Variants in GALNTL6 observed in about 807,000 individuals in gnomAD.
GALNTL6 encodes the protein polypeptide N-acetylgalactosaminyltransferase-like 6.
A neutral mutation model predicts 73.7 loss-of-function variants in GALNTL6; 46 were observed. The observed-to-expected ratio is 0.62, with a 90% confidence interval of 0.49 to 0.80. The LOEUF (loss-of-function observed/expected upper bound fraction) is 0.80, where lower values mean the gene tolerates loss of function less well. Ranked by LOEUF, GALNTL6 falls within the 30% of genes least tolerant of loss-of-function variation. GALNTL6 has a pLI of 0.00. For missense variants in GALNTL6, 604 were observed against 755.0 expected, an observed-to-expected ratio of 0.80 and a Z score of 2.34; for synonymous variants, 259 against 263.7, an observed-to-expected ratio of 0.98 and a Z score of 0.17.
In GALNTL6 at chr4:172,772,274, A is replaced by G. The variant is rs1263031027; in HGVS notation, c.554-37087A>G. On this transcript the variant is annotated intron_variant, in intron 5 of 12. Transcript: ENST00000506823. ...ATATCACCATTTATGCAGAAACTTA[A>G]TTATTTGTAATGTATTAACAGATAT... Among the ~76,000 whole-genome samples the G allele has an allele frequency of 2.0e-5, 3 of 152,150 alleles. No homozygotes were observed. In the East Asian group the frequency reaches 5.8e-4, roughly 29 times the overall value.
intron 5 of GALNTL6, among the ~76,000 whole-genome samples, chr4:172,756,624 C>T (rs1737767114): frequency 1.3e-5 from 2 of 150,660 alleles, no homozygotes; most frequent in African/African-American, 2.4e-5. Flanking sequence ...TACAGCCCGG[C>T]AACAGCGTGT....
Position 172,447,649 on chromosome 4 carries a change from G to C in GALNTL6, c.553+98960G>C, listed in dbSNP as rs539713377. Among the ~76,000 whole-genome samples, 4 of 152,266 alleles carry C rather than the reference G, an allele frequency of 2.6e-5. No individual in the cohort carries two copies. In the South Asian group the frequency reaches 8.3e-4, roughly 32 times the overall value. ...CTAATGCATTTACGGCCAGTGTCAA[G>C]AGTTCAGTGAAAATGGCCCTATACA... On this transcript the variant is annotated intron_variant, in intron 5 of 12. Transcript: ENST00000506823.
chr4:172,259,095 C>T (rs2111031654), intron 3 of GALNTL6, among the ~76,000 whole-genome samples: 1 of 151,056 alleles, frequency 6.6e-6, no homozygotes, highest in East Asian at 1.9e-4. Context: ...TTACATATAA[C>T]AACTTCTTTT....
chr4:172,799,332 G>A (rs1032884939), intron 5 of GALNTL6, among the ~76,000 whole-genome samples: 5 of 152,148 alleles, frequency 3.3e-5, no homozygotes, highest in Admixed American at 6.5e-5. Flanking sequence ...GCAGTGGGGG[G>A]AAAAATTACA....
intron 5 of GALNTL6, among the ~76,000 whole-genome samples, chr4:172,655,391 A>G (rs1730938923): frequency 6.6e-6 from 1 of 152,216 alleles, no homozygotes. Flanking sequence ...TCGTTAGAAT[A>G]TAAGAGTGAG....
chr4:172,130,177 C>G (rs1733448578), intron 2 of GALNTL6, among the ~76,000 whole-genome samples: 1 of 110,982 alleles, frequency 9.0e-6, no homozygotes, highest in Non-Finnish European at 1.7e-5. Flanking sequence ...GATCTCATTA[C>G]AGAATTTTTT....
chr4:172,752,710 A>T (rs1318217655), intron 5 of GALNTL6, among the ~76,000 whole-genome samples: 1 of 152,180 alleles, frequency 6.6e-6, no homozygotes, highest in East Asian at 1.9e-4. Flanking sequence ...ATTTTAAAAA[A>T]TAATTTGAAT....
At chr4:172,303,908 A>T (rs1448303494) in intron 3 of GALNTL6, among the ~76,000 whole-genome samples, 1 of 152,166 alleles carries the variant, frequency 6.6e-6, no homozygotes, top group East Asian at 1.9e-4. Flanking sequence ...TCATTGTGAT[A>T]AATCCTTTGT....
At chr4:172,948,423 G>A (rs1749275623) in intron 9 of GALNTL6, among the ~76,000 whole-genome samples, 1 of 151,758 alleles carries the variant, frequency 6.6e-6, no homozygotes, top group African/African-American at 2.4e-5. Flanking sequence ...GGCTTTTTTG[G>A]TTTGATTTTT....
chr4:172,387,174 T>C (rs1303349719), intron 5 of GALNTL6, among the ~76,000 whole-genome samples: 1 of 152,122 alleles, frequency 6.6e-6, no homozygotes, highest in Non-Finnish European at 1.5e-5. Flanking sequence ...GGTTTCAACA[T>C]AGAAATTTGG....
In GALNTL6 at chr4:171,883,709, G is replaced by A. The variant is rs1193710786; in HGVS notation, c.138+68991G>A. On this transcript the variant is annotated intron_variant, in intron 2 of 12. Transcript: ENST00000506823. ...GTCGCCCAGGCTGGACTGCAGTGGC[G>A]CTATCTCAGCTCACTGCAAGCTCCG... Among the ~76,000 whole-genome samples, 4 of 150,934 alleles carry A rather than the reference G, an allele frequency of 2.7e-5. No homozygotes were observed. The South Asian group carries it at 6.3e-4, about 24-fold the overall frequency.
At chr4:172,197,599 C>G (rs958917378) in intron 2 of GALNTL6, among the ~76,000 whole-genome samples, 1 of 152,090 alleles carries the variant, frequency 6.6e-6, no homozygotes, top group African/African-American at 2.4e-5. Context: ...ACACATAGAC[C>G]AGTGGAACAG....
At chr4:172,676,650 T>C (rs1393171880) in intron 5 of GALNTL6, among the ~76,000 whole-genome samples, 1 of 152,176 alleles carries the variant, frequency 6.6e-6, no homozygotes, top group African/African-American at 2.4e-5. Flanking sequence ...GGCACTATTC[T>C]CCACATGACT....
At chr4:172,177,457 A>C (rs1735034480) in intron 2 of GALNTL6, among the ~76,000 whole-genome samples, 1 of 152,074 alleles carries the variant, frequency 6.6e-6, no homozygotes, top group Admixed American at 6.6e-5. Context: ...GATATTTTAC[A>C]AAATTATTTT....
intron 8 of GALNTL6, among the ~76,000 whole-genome samples, chr4:172,907,809 A>G (rs1176020879): frequency 1.3e-5 from 2 of 152,102 alleles, no homozygotes. Context: ...GCACAATTTC[A>G]TGGGTAGATT....
At chr4:172,583,153 AAC>A (rs1365923942) in intron 5 of GALNTL6, among the ~76,000 whole-genome samples, 3 of 151,592 alleles carry the variant, frequency 2.0e-5, no homozygotes, top group Non-Finnish European at 2.9e-5. Context: ...CACACACACA[AAC>A]ACACTCACAC....
intron 5 of GALNTL6, among the ~76,000 whole-genome samples, chr4:172,643,809 C>T (rs1328429048): frequency 6.6e-6 from 1 of 151,824 alleles, no homozygotes; most frequent in Non-Finnish European, 1.5e-5. Flanking sequence ...ATTTTTTATA[C>T]TGCTGATGGA....
At chr4:172,193,723 C>T (rs891715669) in intron 2 of GALNTL6, among the ~76,000 whole-genome samples, 4 of 151,956 alleles carry the variant, frequency 2.6e-5, no homozygotes, top group Non-Finnish European at 5.9e-5. Flanking sequence ...ATTAGCTGGG[C>T]GTGGTGGCAG....
chr4:172,376,121 CCTT>C (rs564415716), intron 5 of GALNTL6, among the ~76,000 whole-genome samples: 26 of 152,260 alleles, frequency 1.7e-4, no homozygotes, highest in African/African-American at 5.8e-4. Flanking sequence ...AAAATTGTGT[CCTT>C]CTGATTAGTG....
Sources: gnomAD v4.1 joint callset for allele counts (sites outside exome capture counted in the v4.1 genomes callset) on GRCh38, gnomAD v4.1.1 for gene constraint, MANE v1.5 for transcripts, NCBI Gene and HGNC (gene_info 2026-07-23, HGNC 2026-07-21) for gene names.